Variants in POU2F3 observed in about 807,000 individuals in gnomAD.
The protein encoded by POU2F3 is POU domain, class 2, transcription factor 3.
POU2F3 carries 23 observed loss-of-function variants against 59.2 expected under a neutral mutation model. The observed-to-expected ratio is 0.39, with a 90% CI of 0.28 to 0.55. The LOEUF (loss-of-function observed/expected upper bound fraction) is 0.55, where lower values mean the gene tolerates loss of function less well. Ranked by LOEUF, POU2F3 falls within the 20% of genes least tolerant of loss-of-function variation. POU2F3 has a pLI of 0.66. For synonymous variants in POU2F3, 190 were observed against 214.6 expected (o/e 0.89, Z 1.00); for missense variants, 473 against 544.5 (o/e 0.87, Z 1.31).
chr11:120,272,385 G>A (rs906192915), intron 3 of POU2F3, among the ~76,000 whole-genome samples: 11 of 152,166 alleles, frequency 7.2e-5, no homozygotes, highest in Admixed American at 2.6e-4. Flanking sequence ...CACCATCCCT[G>A]GGGAGAGGCC....
chr11:120,274,009 C>T lies in POU2F3; in HGVS notation c.132+4765C>T, dbSNP rs143097100. On this transcript the variant is annotated intron_variant, in intron 3 of 12. Transcript: ENST00000543440. The stretch of plus-strand genomic sequence containing the variant: ...CTCCAGCCTGGATGACAAAGCGAGA[C>T]TCTGTCTCAAAAAAAGAAAAAAAAG... Among the ~76,000 whole-genome samples the T allele has an allele frequency of 1.2e-3, 143 of 121,474 alleles. 1 individual carries two copies. Among genetic ancestry groups the T allele is most frequent in the African/African-American group, 4.4e-3 (108 of 24,542 alleles). The allele number at this position is 121,474 out of a possible 152,430, so 79.7% of individuals were successfully genotyped here. A position where few individuals can be genotyped will look rare whatever the true frequency, so the allele number is the denominator to read the frequency against.
chr11:120,274,947 A>G (rs144602259), intron 3 of POU2F3, among the ~76,000 whole-genome samples: 14 of 152,314 alleles, frequency 9.2e-5, no homozygotes, highest in Non-Finnish European at 1.3e-4. Context: ...GAGCATACGG[A>G]GCAATACAGT....
intron 3 of POU2F3, among the ~76,000 whole-genome samples, chr11:120,294,992 A>G (rs899356912): frequency 1.1e-4 from 17 of 152,222 alleles, no homozygotes; most frequent in African/African-American, 4.1e-4. Context: ...AAGTCGGTCA[A>G]ACGAATCATA....
At chr11:120,277,213 C>A (rs1940369688) in intron 3 of POU2F3, among the ~76,000 whole-genome samples, 1 of 149,126 alleles carries the variant, frequency 6.7e-6, no homozygotes, top group Admixed American at 6.7e-5. Context: ...ATCACTTGAA[C>A]CCAGGAGGCA....
At chr11:120,278,155 G>A (rs550228304) in intron 3 of POU2F3, among the ~76,000 whole-genome samples, 1 of 152,284 alleles carries the variant, frequency 6.6e-6, no homozygotes, top group South Asian at 2.1e-4. Context: ...ATAGAGTTGG[G>A]TTTTGGGCTT....
chr11:120,251,340 A>G (rs2135141121), intron 2 of POU2F3, among the ~76,000 whole-genome samples: 1 of 151,986 alleles, frequency 6.6e-6, no homozygotes, highest in East Asian at 1.9e-4. Flanking sequence ...ACGCACACAC[A>G]CTCTCCCTCC....
intron 2 of POU2F3, among the ~76,000 whole-genome samples, chr11:120,252,436 G>A (rs113348846): frequency 0.064 from 9,735 of 151,516 alleles, 471 homozygotes; most frequent in East Asian, 0.22. Context: ...TCAAACTCCT[G>A]ACCTCAAGTG....
In POU2F3 at chr11:120,310,150, G is replaced by C. The variant is rs894063816; in HGVS notation, c.1068+564G>C. Among the ~76,000 whole-genome samples the C allele has an allele frequency of 3.3e-5, 5 of 152,224 alleles. No homozygotes were observed. In the East Asian group the frequency reaches 9.6e-4, roughly 29 times the overall value. ...TAATCTGTGTGGAAGCAGGAGACCA[G>C]CTAGGAGAATGACAATGGTCAGGCT... On this transcript the variant is annotated intron_variant, in intron 10 of 12. Coordinates refer to ENST00000543440, the MANE Select transcript of POU2F3 (RefSeq NM_014352.4).
chr11:120,276,860 C>T lies in POU2F3; in HGVS notation c.132+7616C>T, dbSNP rs113133341. On this transcript the variant is annotated intron_variant, in intron 3 of 12. Coordinates refer to ENST00000543440, the MANE Select transcript of POU2F3 (RefSeq NM_014352.4). ...CGGCAGAAAACAGACCTGAAAGCAC[C>T]CTCCTGGCCGGGTGCAGTGGCTCAC... is the stretch of plus-strand genomic sequence containing the variant. Among the ~76,000 whole-genome samples the T allele has an allele frequency of 4.5e-3, 686 of 152,072 alleles. 3 individuals carry two copies. Among genetic ancestry groups the T allele is most frequent in the Middle Eastern group, 0.031 (9 of 294 alleles).
In POU2F3 at chr11:120,285,151, G is replaced by C. The variant is rs1036981894; in HGVS notation, c.133-13114G>C. Among the ~76,000 whole-genome samples, 1 of 152,142 alleles carries C rather than the reference G, an allele frequency of 6.6e-6. No individual in the cohort carries two copies. The highest frequency in any genetic ancestry group is 1.5e-5 in the Non-Finnish European group (1 of 68,026). Reference sequence around the variant, plus strand: ...TTGGCAAAATAAAACAACTGTATCTGACTCTAAAAAAAGAAATGTTTACTA... The same window carrying C: ...TTGGCAAAATAAAACAACTGTATCTCACTCTAAAAAAAGAAATGTTTACTA... On this transcript the variant is annotated intron_variant, in intron 3 of 12. Coordinates refer to ENST00000543440, the MANE Select transcript of POU2F3 (RefSeq NM_014352.4). This position sits in a 1 kb window ranked among gnomAD's most constrained non-coding sequence, Gnocchi z 4.3.
chr11:120,296,351 T>G (rs1941191574), intron 3 of POU2F3, among the ~76,000 whole-genome samples: 1 of 152,254 alleles, frequency 6.6e-6, no homozygotes, highest in Non-Finnish European at 1.5e-5. Context: ...CAGTCTCAAA[T>G]GTTAGTAGGA....
At chr11:120,257,612 G>A (rs1307320332) in intron 2 of POU2F3, among the ~76,000 whole-genome samples, 1 of 152,126 alleles carries the variant, frequency 6.6e-6, no homozygotes, top group East Asian at 1.9e-4. Context: ...ACTCCAGAGA[G>A]GAGGGGAGAG....
chr11:120,288,128 C>CAAAAAAAAAAAAAAAAAAAAACAAA, intron 3 of POU2F3, among the ~76,000 whole-genome samples: 6 of 63,320 alleles, frequency 9.5e-5, no homozygotes, highest in Non-Finnish European at 1.3e-4. Context: ...ACAAAAAAAC[C>CAAAAAAAAAAAAAAAAAAAAACAAA]AAAAAAAAAA....
rs1474514139 is a variant in POU2F3, at chr11:120,280,243, C to T, written c.132+10999C>T. ...TATTGAACCTTCAGTTTATAACAGG[C>T]AGTGGGTTGAGTGCTTTGCAAGCAG... On this transcript the variant is annotated intron_variant, in intron 3 of 12. Coordinates refer to ENST00000543440, the MANE Select transcript of POU2F3 (RefSeq NM_014352.4). Among the ~76,000 whole-genome samples, 3 of 152,264 alleles carry T rather than the reference C, an allele frequency of 2.0e-5. No individual in the cohort carries two copies. In the East Asian group the frequency reaches 5.8e-4, roughly 29 times the overall value.
intron 10 of POU2F3, among the ~76,000 whole-genome samples, chr11:120,314,325 G>C (rs1276053706): frequency 1.3e-5 from 2 of 152,356 alleles, no homozygotes; most frequent in South Asian, 2.1e-4. Context: ...CCTGGTCAGA[G>C]CTTCCCCTGT....
At chr11:120,249,238 C>G (rs1259049741) in intron 2 of POU2F3, among the ~76,000 whole-genome samples, 1 of 152,234 alleles carries the variant, frequency 6.6e-6, no homozygotes, top group Non-Finnish European at 1.5e-5. Flanking sequence ...GCACAAGGGA[C>G]CAGCCAAAGC....
chr11:120,242,749 T>C (rs1376195797), intron 1 of POU2F3, among the ~76,000 whole-genome samples: 1 of 152,220 alleles, frequency 6.6e-6, no homozygotes, highest in Non-Finnish European at 1.5e-5. Context: ...CAGGTCTGCC[T>C]GGAGCCTTCG....
At chr11:120,236,642 C>G, upstream of POU2F3, 3 of 1,469,812 alleles carry the variant, frequency 2.0e-6, no homozygotes, top group East Asian at 2.5e-5. Context: ...CTCTCTATCT[C>G]ACTCCAGCCC....
intron 2 of POU2F3, chr11:120,259,071 C>G (rs988753449): frequency 4.6e-5 from 7 of 152,252 alleles, no homozygotes; most frequent in African/African-American, 1.7e-4. Context: ...CAGCAGAGCT[C>G]CTCTGTCCCC....
Sources: allele counts gnomAD v4.1 joint callset (sites outside exome capture counted in the v4.1 genomes callset), GRCh38; gene constraint gnomAD v4.1.1; non-coding constraint Gnocchi (gnomAD v3.1); transcripts MANE v1.5; gene names NCBI Gene and HGNC (gene_info 2026-07-23, HGNC 2026-07-21).